Variants in VWF observed in about 807,000 individuals in gnomAD.
VWF encodes the protein von Willebrand factor, also known as Factor VIII related antigen.
Under a neutral mutation model 308.6 loss-of-function variants are expected in VWF, and 176 were observed. The ratio of observed to expected loss-of-function variants is 0.57; its 90% CI spans 0.50 to 0.65. VWF has a LOEUF of 0.65. Ranked by LOEUF, VWF falls within the 30% of genes least tolerant of loss-of-function variation. The probability of loss-of-function intolerance (pLI) is 0.00; values close to 1 mark genes in which losing one functional copy is unlikely to be tolerated. For synonymous variants in VWF, 1,385 were observed against 1,443.4 expected (o/e 0.96, Z 0.92); for missense variants, 3,146 against 3,648.2 (o/e 0.86, Z 3.55).
chr12:6,043,208 C>T (rs1317495183), intron 18 of VWF, among the ~76,000 whole-genome samples: 1 of 152,216 alleles, frequency 6.6e-6, no homozygotes, highest in Admixed American at 6.5e-5. Context: ...GTTGGTCTCT[C>T]TGTTTGGGAG....
chr12:6,067,197 GT>G (rs1211159771), intron 10 of VWF, among the ~76,000 whole-genome samples: 1 of 152,210 alleles, frequency 6.6e-6, no homozygotes, highest in Non-Finnish European at 1.5e-5. Context: ...GTCCAGTGAG[GT>G]CTCAGGAAAG....
intron 3 of VWF, among the ~76,000 whole-genome samples, chr12:6,115,354 TC>T (rs1945351345): frequency 6.6e-6 from 1 of 152,144 alleles, no homozygotes; most frequent in Admixed American, 6.5e-5. Context: ...ATGAGATTTT[TC>T]AAAGTGTGAT....
At chr12:5,991,507 T>C (rs1346787369) in intron 38 of VWF, among the ~76,000 whole-genome samples, 1 of 152,166 alleles carries the variant, frequency 6.6e-6, no homozygotes, top group Non-Finnish European at 1.5e-5. Flanking sequence ...TCCCTTTCCC[T>C]CCTGGATTTC....
rs774608973 is a variant in VWF at position 6,075,287 on chromosome 12, A to G, written c.874+48T>C. 1 of 1,611,642 alleles carries G rather than the reference A, an allele frequency of 6.2e-7. No individual in the cohort carries two copies. Among genetic ancestry groups the G allele is most frequent in the Admixed American group, 1.7e-5 (1 of 60,006 alleles). ...CACCCTAAGGGACACCACCCAGGAC[A>G]GACCGTTCATCCCCGGCAGGGCAGG... On this transcript the variant is annotated intron_variant, in intron 7 of 51. Coordinates refer to ENST00000261405, the MANE Select transcript of VWF (RefSeq NM_000552.5). The surrounding 1 kb of genome is among the most constrained non-coding windows in gnomAD (Gnocchi z 4.7).
At chr12:6,069,292 G>A (rs1391243258) in intron 10 of VWF, among the ~76,000 whole-genome samples, 1 of 152,150 alleles carries the variant, frequency 6.6e-6, no homozygotes, top group Non-Finnish European at 1.5e-5. Context: ...CAAAGAAACT[G>A]AACAGGGATC....
intron 47 of VWF, among the ~76,000 whole-genome samples, chr12:5,964,962 A>C (rs1334201543): frequency 2.0e-5 from 3 of 152,230 alleles, no homozygotes; most frequent in Non-Finnish European, 2.9e-5. Flanking sequence ...TGGAGGGAAC[A>C]GCCTGCTCTG....
At chr12:6,030,961 G>A (rs1382849942) in intron 21 of VWF, among the ~76,000 whole-genome samples, 2 of 152,240 alleles carry the variant, frequency 1.3e-5, no homozygotes, top group African/African-American at 4.8e-5. Flanking sequence ...CCCTAGAGGT[G>A]GAGGTTGCAG....
intron 47 of VWF, among the ~76,000 whole-genome samples, chr12:5,956,634 C>T (rs561883897): frequency 1.1e-3 from 155 of 146,564 alleles, no homozygotes; most frequent in African/African-American, 3.9e-3. Flanking sequence ...GAATGAGACC[C>T]TGTCTCGAAA....
rs750888785 is a variant in VWF at position 5,981,874 on chromosome 12, T to G, written c.7199A>C (p.Asn2400Thr). The part of the protein sequence containing the change: ...DEYECACNCV[N>T]STVSCPLGYL... ...CCCAAGGGGACAGCTCACTGTGGAGTTGACACAGTTGCAGGCACACTCATA... is the reference window on the plus strand; with the variant it reads ...CCCAAGGGGACAGCTCACTGTGGAGGTGACACAGTTGCAGGCACACTCATA... The change falls in exon 42 of 52, where the codon AAC (asparagine) becomes ACC (threonine). Residue 2400 changes from asparagine (N) to threonine (T), a missense_variant. Coordinates refer to ENST00000261405, the MANE Select transcript of VWF (RefSeq NM_000552.5). The G allele has an allele frequency of 1.1e-5, 18 of 1,613,390 alleles. No individual in the cohort carries two copies. In the East Asian group the frequency reaches 3.6e-4, roughly 32 times the overall value.
intron 37 of VWF, among the ~76,000 whole-genome samples, 186 bp downstream of exon 37, chr12:5,993,676 C>T (rs1175869875): frequency 6.1e-5 from 9 of 148,742 alleles, no homozygotes; most frequent in African/African-American, 2.0e-4. Context: ...CACACACACA[C>T]ATATACATAT....
rs1252096855 is a variant in VWF at position 6,071,297 on chromosome 12, C to G, written c.1156G>C (p.Gly386Arg). The G allele has an allele frequency of 6.2e-7, 1 of 1,614,028 alleles. No individual in the cohort carries two copies. The highest frequency in any genetic ancestry group is 8.5e-7 in the Non-Finnish European group (1 of 1,180,036). ...AGAGAATGAGCGGCAGGTCGCCTAC[C>G]TGGACATTCTTCATTGCTGCAGATC... ...QWICSNEECP[G>R]ECLVTGQSHF... The change falls in exon 10 of 52, where the codon GGG (glycine) becomes CGG (arginine). Residue 386 changes from glycine to arginine, a missense_variant and splice_region_variant. By Grantham distance (125) the Gly-to-Arg change is moderately radical (BLOSUM62 -2). This residue lies in a region of VWF where 1,304 missense variants were observed against 1,353.0 expected (regional missense o/e 0.96). Transcript: ENST00000261405.
intron 10 of VWF, among the ~76,000 whole-genome samples, chr12:6,068,362 C>G (rs1370931328): frequency 6.6e-6 from 1 of 152,176 alleles, no homozygotes; most frequent in Non-Finnish European, 1.5e-5. Flanking sequence ...AAAGCCTTCC[C>G]TGCAGAAATG....
At chr12:6,098,545 G>A (rs7980753) in intron 5 of VWF, among the ~76,000 whole-genome samples, 13,304 of 152,120 alleles carry the variant, frequency 0.087, 1,148 homozygotes, top group African/African-American at 0.23. Flanking sequence ...TTGGGAGGCC[G>A]AGGCGGGCGG....
intron 19 of VWF, among the ~76,000 whole-genome samples, chr12:6,035,965 C>A (rs1238393519): frequency 6.6e-6 from 1 of 152,206 alleles, no homozygotes; most frequent in Non-Finnish European, 1.5e-5. Flanking sequence ...ACTAAATACA[C>A]ATTAAATACA....
At position 6,071,438 on chromosome 12, in the gene VWF, A is replaced by G. The variant is rs1944780376; in HGVS notation, c.1110-95T>C. ...CTCATGGTAGTTATCACAGTCCCCAAACGAAGGGATGTGGGAAAAGAAAAG... is the reference window on the plus strand; with the variant it reads ...CTCATGGTAGTTATCACAGTCCCCAGACGAAGGGATGTGGGAAAAGAAAAG... On this transcript the variant is annotated intron_variant, in intron 9 of 51. Coordinates refer to ENST00000261405, the MANE Select transcript of VWF (RefSeq NM_000552.5). 3.6e-6 allele frequency: 5 copies of G among 1,378,750 alleles called. No homozygotes were observed. In the Admixed American group the frequency reaches 7.0e-5, roughly 19 times the overall value. 85.4% of individuals were successfully genotyped at this position (1,378,750 alleles called of 1,614,324 possible). A position where few individuals can be genotyped will look rare whatever the true frequency, so the allele number is the denominator to read the frequency against.
chr12:6,018,864 C>T lies in VWF; in HGVS notation c.4554G>A (p.Lys1518=). The change falls in exon 28 of 52, where the codon AAG becomes AAA. Residue 1518 remains lysine (K), a synonymous_variant. Coordinates refer to ENST00000261405, the MANE Select transcript of VWF (RefSeq NM_000552.5). The stretch of plus-strand genomic sequence containing the variant: ...GCTGAATCACCTCCTCCATGAACTC[C>T]TTGCTCCTGTTGAAGTCGGCTTCAC... ...KIGEADFNRS[K]EFMEEVIQRM... 6.2e-7 allele frequency: 1 copy of T among 1,613,964 alleles called. No homozygotes were observed. The highest frequency in any genetic ancestry group is 8.5e-7 in the Non-Finnish European group (1 of 1,179,868).
chr12:5,999,452 G>A (rs1447759361), intron 34 of VWF, among the ~76,000 whole-genome samples: 1 of 141,466 alleles, frequency 7.1e-6, no homozygotes, highest in Admixed American at 7.4e-5. Flanking sequence ...CAATCCTTCA[G>A]GATCCACATG....
chr12:6,025,012 G>A (rs1322360452), intron 24 of VWF, among the ~76,000 whole-genome samples: 1 of 104,204 alleles, frequency 9.6e-6, no homozygotes, highest in African/African-American at 4.0e-5. Flanking sequence ...GACAGAGCGA[G>A]ACTCTGTCTC....
chr12:5,979,495 T>C (rs1018309697), intron 42 of VWF, among the ~76,000 whole-genome samples: 5 of 152,230 alleles, frequency 3.3e-5, no homozygotes. Flanking sequence ...CTGACGCCTG[T>C]AATCCCAGCA....
Sources: gnomAD v4.1 joint callset for allele counts (sites outside exome capture counted in the v4.1 genomes callset) on GRCh38, gnomAD v4.1.1 for gene constraint, gnomAD v4.1.1 regional missense constraint, Gnocchi (gnomAD v3.1) non-coding constraint, MANE v1.5 for transcripts, NCBI Gene and HGNC (gene_info 2026-07-23, HGNC 2026-07-21) for gene names.